ZNF407: variants seen among roughly 807,000 people sequenced by gnomAD.
ZNF407 encodes zinc finger protein 407.
A neutral mutation model predicts 131.2 loss-of-function variants in ZNF407; 17 were observed. The ratio of observed to expected loss-of-function variants is 0.13; its 90% confidence interval spans 0.09 to 0.19. ZNF407 has a LOEUF of 0.19. Among genes scored for constraint, ZNF407 ranks in the 10% least tolerant of loss-of-function variants. ZNF407 has a pLI of 1.00. For synonymous variants in ZNF407, 1,156 were observed against 1,062.0 expected (o/e 1.09, Z -1.72); for missense variants, 2,681 against 2,830.6 (o/e 0.95, Z 1.20).
chr18:74,612,330 A>G (rs566735303), intron 1 of ZNF407, among the ~76,000 whole-genome samples: 9 of 152,212 alleles, frequency 5.9e-5, no homozygotes, highest in African/African-American at 1.4e-4. Context: ...ATCAGAGATA[A>G]TTTGTTTTTC....
intron 8 of ZNF407, among the ~76,000 whole-genome samples, chr18:75,014,465 T>C (rs545486813): frequency 1.3e-5 from 2 of 152,248 alleles, no homozygotes; most frequent in South Asian, 4.1e-4. Context: ...TTTGTCCTTT[T>C]ATCTTCCTTC....
In ZNF407 at chr18:74,633,916, T is replaced by C. The variant is rs971856052; in HGVS notation, c.2897T>C (p.Ile966Thr). Residue 966 changes from isoleucine (I) to threonine (T), a missense_variant, in exon 2 of 9, where the codon ATT becomes ACT. Around this residue, in one of 6 missense-constraint regions of ZNF407, gnomAD observed 1,789 missense variants for 1,748.7 expected, o/e 1.02. Transcript: ENST00000299687. ...GAGAAGCCAGATCGTGGAAACTCAA[T>C]TGAAGCTGAAGTTGAAAATGTATTT... is the stretch of plus-strand genomic sequence containing the variant. The part of the protein sequence containing the change: ...VLEKPDRGNS[I>T]EAEVENVFHS... The C allele has an allele frequency of 6.8e-6, 11 of 1,613,930 alleles. No individual in the cohort carries two copies. The highest frequency in any genetic ancestry group is 1.1e-5 in the South Asian group (1 of 91,092).
At chr18:74,672,443 G>GT (rs1458347654) in intron 3 of ZNF407, among the ~76,000 whole-genome samples, 8 of 23,784 alleles carry the variant, frequency 3.4e-4, no homozygotes, top group South Asian at 4.1e-3. Context: ...AGCACTGTTT[G>GT]TCTGTTCATT....
chr18:74,782,775 C>T lies in ZNF407; in HGVS notation c.4877+1273C>T, dbSNP rs1415681119. On this transcript the variant is annotated intron_variant, in intron 4 of 8. Coordinates refer to ENST00000299687, the MANE Select transcript of ZNF407 (RefSeq NM_017757.3). ...CTGGGACTATAGGCACCCGCCACCACCTCCGGCTAATTTTTTTGTATTTTT... is the reference window on the plus strand; with the variant it reads ...CTGGGACTATAGGCACCCGCCACCATCTCCGGCTAATTTTTTTGTATTTTT... 2.6e-5 allele frequency among the ~76,000 whole-genome samples: 4 copies of T among 152,202 alleles called. No individual in the cohort carries two copies. In the East Asian group the frequency reaches 7.7e-4, roughly 29 times the overall value.
chr18:74,717,332 G>T (rs1350008596), intron 3 of ZNF407, among the ~76,000 whole-genome samples: 2 of 152,164 alleles, frequency 1.3e-5, no homozygotes, highest in African/African-American at 4.8e-5. Context: ...TCCTGAGTCC[G>T]ATAGTGGCAC....
chr18:74,681,829 T>G (rs1966990327), intron 3 of ZNF407, among the ~76,000 whole-genome samples: 3 of 152,166 alleles, frequency 2.0e-5, no homozygotes, highest in Admixed American at 1.3e-4. Context: ...TTTTTTTCCT[T>G]TTAGATAAGA....
At chr18:74,873,280 T>C (rs1971112596) in intron 4 of ZNF407, among the ~76,000 whole-genome samples, 1 of 152,208 alleles carries the variant, frequency 6.6e-6, no homozygotes, top group Non-Finnish European at 1.5e-5. Context: ...TTTAGTATTC[T>C]GTCTTCAAAA....
At chr18:74,723,982 A>G (rs964769904) in intron 3 of ZNF407, among the ~76,000 whole-genome samples, 12 of 151,988 alleles carry the variant, frequency 7.9e-5, no homozygotes, top group African/African-American at 2.7e-4. Context: ...ATTACTTCGT[A>G]CCAGAAATGG....
intron 7 of ZNF407, among the ~76,000 whole-genome samples, chr18:74,912,111 T>C (rs1456457968): frequency 6.6e-6 from 1 of 152,216 alleles, no homozygotes; most frequent in East Asian, 1.9e-4. Context: ...CTCTGTGTGC[T>C]GGGCACTCTC....
chr18:74,877,396 T>C, intron 5 of ZNF407, 33 bp downstream of exon 5: 1 of 1,604,484 alleles, frequency 6.2e-7, no homozygotes, highest in Non-Finnish European at 8.5e-7. Context: ...CCCAGGAGGC[T>C]GGGCAGAGGT....
At chr18:75,010,689 G>A (rs1331066184) in intron 8 of ZNF407, among the ~76,000 whole-genome samples, 1 of 152,134 alleles carries the variant, frequency 6.6e-6, no homozygotes, top group Admixed American at 6.5e-5. Flanking sequence ...GAAACCAGAA[G>A]GAACAACTCC....
intron 3 of ZNF407, among the ~76,000 whole-genome samples, chr18:74,755,485 A>C (rs1054597573): frequency 3.3e-5 from 5 of 151,522 alleles, no homozygotes; most frequent in African/African-American, 7.3e-5. Context: ...CATAAATGTA[A>C]AGGCTTATTT....
At chr18:74,743,599 ATGT>A (rs1386948378) in intron 3 of ZNF407, among the ~76,000 whole-genome samples, 1 of 152,158 alleles carries the variant, frequency 6.6e-6, no homozygotes, top group Admixed American at 6.5e-5. Context: ...ATGAGTTGTC[ATGT>A]TTTAAGATCT....
chr18:74,696,420 T>A (rs1967356964), intron 3 of ZNF407, among the ~76,000 whole-genome samples: 1 of 152,228 alleles, frequency 6.6e-6, no homozygotes, highest in Non-Finnish European at 1.5e-5. Context: ...TTCCTGACAA[T>A]GCTGCCAGGC....
chr18:75,058,524 C>G (rs897127095), intron 8 of ZNF407, among the ~76,000 whole-genome samples: 1 of 152,204 alleles, frequency 6.6e-6, no homozygotes, highest in African/African-American at 2.4e-5. Flanking sequence ...TGGTTAACTA[C>G]TGTTACTGTA....
chr18:74,921,041 A>G, intron 8 of ZNF407: 3 of 971,892 alleles, frequency 3.1e-6, no homozygotes, highest in Non-Finnish European at 2.5e-6. Context: ...TTTCTTAAAA[A>G]ATGCTTGTGA....
chr18:74,890,486 A>G (rs1971369565), intron 7 of ZNF407, among the ~76,000 whole-genome samples: 1 of 152,236 alleles, frequency 6.6e-6, no homozygotes, highest in African/African-American at 2.4e-5. Flanking sequence ...AAAAAACATA[A>G]CATTCTTTTC....
At chr18:75,027,484 G>A (rs1973185185) in intron 8 of ZNF407, among the ~76,000 whole-genome samples, 2 of 152,190 alleles carry the variant, frequency 1.3e-5, no homozygotes, top group South Asian at 4.1e-4. Flanking sequence ...CATGGAGTTA[G>A]TGCAAATAGT....
chr18:75,050,744 G>A (rs554725620), intron 8 of ZNF407, among the ~76,000 whole-genome samples: 1 of 152,276 alleles, frequency 6.6e-6, no homozygotes, highest in Admixed American at 6.5e-5. Context: ...TCTCTTCCAA[G>A]GCTGATTTCT....
Sources: gnomAD v4.1 joint callset for allele counts (sites outside exome capture counted in the v4.1 genomes callset) on GRCh38, gnomAD v4.1.1 for gene constraint, gnomAD v4.1.1 regional missense constraint, MANE v1.5 for transcripts, NCBI Gene and HGNC (gene_info 2026-07-23, HGNC 2026-07-21) for gene names.